The following HACE1 variants were observed in gnomAD, a reference collection of about 807,000 sequenced individuals.
The protein encoded by HACE1 is E3 ubiquitin-protein ligase HACE1.
HACE1 carries 73 observed loss-of-function variants against 118.4 expected under a neutral mutation model. The ratio of observed to expected loss-of-function variants is 0.62; its 90% confidence interval spans 0.51 to 0.75. The LOEUF (loss-of-function observed/expected upper bound fraction) is 0.75. HACE1 is among the 30% of genes least tolerant of loss of function. HACE1 has a pLI of 0.00. For synonymous variants in HACE1, 368 were observed against 374.8 expected (o/e 0.98, Z 0.21); for missense variants, 749 against 1,102.2 (o/e 0.68, Z 4.54).
chr6:104,754,033 C>A (rs896412176), intron 19 of HACE1, among the ~76,000 whole-genome samples: 1 of 152,114 alleles, frequency 6.6e-6, no homozygotes, highest in Non-Finnish European at 1.5e-5. Context: ...GAGCTGACAG[C>A]CACAACAGTC....
At chr6:104,751,511 C>A (rs771548710) in intron 19 of HACE1, among the ~76,000 whole-genome samples, 1 of 152,074 alleles carries the variant, frequency 6.6e-6, no homozygotes, top group Admixed American at 6.6e-5. Flanking sequence ...TGCCTGTACT[C>A]CTAGTTACTA....
chr6:104,772,174 A>G (rs1780692890), intron 17 of HACE1, 100 bp from the exon 18 acceptor site: 1 of 698,914 alleles, frequency 1.4e-6, no homozygotes, highest in African/African-American at 1.8e-5. Flanking sequence ...ACTTCAGCAA[A>G]GCTAAGGTTA....
intron 6 of HACE1, among the ~76,000 whole-genome samples, chr6:104,830,826 C>T (rs1773790743): frequency 6.8e-6 from 1 of 148,018 alleles, no homozygotes; most frequent in Admixed American, 6.8e-5. Flanking sequence ...ACAAACAGAC[C>T]AGCATGGGGG....
intron 19 of HACE1, among the ~76,000 whole-genome samples, chr6:104,767,224 G>C (rs755806085): frequency 6.6e-6 from 1 of 152,150 alleles, no homozygotes; most frequent in African/African-American, 2.4e-5. Context: ...ATGATAATGA[G>C]GTTGATGAAG....
intron 17 of HACE1, among the ~76,000 whole-genome samples, chr6:104,773,255 G>C (rs1780835669): frequency 1.3e-5 from 2 of 152,016 alleles, no homozygotes; most frequent in Non-Finnish European, 2.9e-5. Flanking sequence ...TAAACCTAAT[G>C]AAATAGCATC....
intron 6 of HACE1, among the ~76,000 whole-genome samples, chr6:104,825,660 C>T (rs934384984): frequency 3.3e-5 from 5 of 152,108 alleles, no homozygotes; most frequent in Non-Finnish European, 5.9e-5. Context: ...TTACATGAGG[C>T]GAACACCAAG....
chr6:104,743,055 C>T (rs1776964427), intron 22 of HACE1, among the ~76,000 whole-genome samples: 1 of 151,306 alleles, frequency 6.6e-6, no homozygotes, highest in Admixed American at 6.6e-5. Context: ...AGTAAACTAT[C>T]GCAAGAACAA....
chr6:104,819,328 T>C (rs180943437), intron 6 of HACE1, among the ~76,000 whole-genome samples: 3 of 151,902 alleles, frequency 2.0e-5, no homozygotes, highest in Non-Finnish European at 4.4e-5. Context: ...TACAACTAAG[T>C]AGGGAGGCGA....
At chr6:104,800,704 T>C (rs1361535614) in intron 7 of HACE1, among the ~76,000 whole-genome samples, 2 of 152,074 alleles carry the variant, frequency 1.3e-5, no homozygotes, top group African/African-American at 4.8e-5. Context: ...CAAAACTTAA[T>C]CTGTAGGTAA....
intron 19 of HACE1, among the ~76,000 whole-genome samples, chr6:104,758,244 A>T (rs1393673185): frequency 1.2e-4 from 19 of 152,100 alleles, no homozygotes; most frequent in Non-Finnish European, 1.5e-5. Context: ...GACATATAAA[A>T]TGTCAGATTC....
rs1304214486 is a variant in HACE1, at chr6:104,730,427, A to G, written c.2514-11T>C. On this transcript the variant is annotated splice_polypyrimidine_tract_variant and intron_variant, in intron 22 of 23. Transcript: ENST00000262903. ...TGTGGGACCCTGGAACTAAGAGTTT[A>G]TATCTTAATACATTGTAATCATGAA... is the stretch of plus-strand genomic sequence containing the variant. 3 of 1,111,320 alleles carry G rather than the reference A, an allele frequency of 2.7e-6. No homozygotes were observed. Among genetic ancestry groups the G allele is most frequent in the Admixed American group, 3.4e-5 (2 of 59,404 alleles). The allele number at this position is 1,111,320 out of a possible 1,614,324, so 68.8% of individuals were successfully genotyped here.
chr6:104,734,842 C>T (rs573213143), intron 22 of HACE1, among the ~76,000 whole-genome samples: 148 of 152,246 alleles, frequency 9.7e-4, no homozygotes, highest in Admixed American at 2.4e-3. Context: ...TACTAAAAAA[C>T]TTGAATAACT....
chr6:104,745,021 G>A (rs955472608), intron 20 of HACE1, among the ~76,000 whole-genome samples: 6 of 151,952 alleles, frequency 3.9e-5, no homozygotes, highest in Non-Finnish European at 7.4e-5. Flanking sequence ...ACAAAGACCC[G>A]AATAAATACT....
intron 17 of HACE1, among the ~76,000 whole-genome samples, chr6:104,772,766 G>A (rs1780778194): frequency 6.6e-6 from 1 of 152,102 alleles, no homozygotes; most frequent in South Asian, 2.1e-4. Context: ...CCAGTGCAAT[G>A]GAATATGAAT....
rs1777150105 is a variant in HACE1 at position 104,859,860 on chromosome 6, T to C, written c.-218A>G. On this transcript the variant is annotated 5_prime_UTR_variant, in exon 1 of 24. Coordinates refer to ENST00000262903, the MANE Select transcript of HACE1 (RefSeq NM_020771.4). ...CCTACAGTACACCCGCCGCCGCCTC[T>C]GCTCGCGCCTTTCCTGCAGCCCCCG... The C allele has an allele frequency of 2.0e-6, 1 of 499,090 alleles. No individual in the cohort carries two copies. The highest frequency in any genetic ancestry group is 4.4e-5 in the Admixed American group (1 of 22,786). The allele number at this position is 499,090 out of a possible 1,614,324, so 30.9% of individuals were successfully genotyped here.
In HACE1 at chr6:104,776,843, T is replaced by C; in HGVS notation, c.1777-15A>G. The stretch of plus-strand genomic sequence containing the variant: ...ACACCTTGACCCTGAATTCAAGAAA[T>C]AAAATTAAGCATCAACAGAAATATG... On this transcript the variant is annotated splice_polypyrimidine_tract_variant and intron_variant, in intron 16 of 23. Transcript: ENST00000262903. 6.4e-7 allele frequency: 1 copy of C among 1,570,228 alleles called. No individual in the cohort carries two copies. Among genetic ancestry groups the C allele is most frequent in the East Asian group, 2.2e-5 (1 of 44,660 alleles).
Position 104,804,064 on chromosome 6 carries a change from C to T in HACE1, c.618-7039G>A, listed in dbSNP as rs1770710136. On this transcript the variant is annotated intron_variant, in intron 7 of 23. Coordinates refer to ENST00000262903, the MANE Select transcript of HACE1 (RefSeq NM_020771.4). The stretch of plus-strand genomic sequence containing the variant: ...CAAAAATCACAAGCATTCTTATACA[C>T]CAATAACAGACAAACAGAGAGCCAA... Among the ~76,000 whole-genome samples the T allele has an allele frequency of 2.0e-5, 3 of 152,092 alleles. No individual in the cohort carries two copies. The South Asian group carries it at 6.2e-4, about 32-fold the overall frequency.
At chr6:104,838,916 A>AAAT (rs1311063435) in intron 5 of HACE1, among the ~76,000 whole-genome samples, 1 of 133,332 alleles carries the variant, frequency 7.5e-6, no homozygotes, top group Non-Finnish European at 1.6e-5. Context: ...AAAAAAAAAA[A>AAAT]TTTTGATTAA....
At chr6:104,730,708 C>T (rs1264104359) in intron 22 of HACE1, 1 of 363,344 alleles carries the variant, frequency 2.8e-6, no homozygotes. Context: ...TATTTGCTTT[C>T]ATGTGGCTCT....
Sources: allele counts gnomAD v4.1 joint callset (sites outside exome capture counted in the v4.1 genomes callset), GRCh38; gene constraint gnomAD v4.1.1; transcripts MANE v1.5; gene names NCBI Gene and HGNC (gene_info 2026-07-23, HGNC 2026-07-21).